COL17A1: variants seen among roughly 807,000 people sequenced by gnomAD.
COL17A1 encodes collagen alpha-1(XVII) chain.
Under a neutral mutation model 218.4 loss-of-function variants are expected in COL17A1, and 181 were observed. The observed-to-expected ratio is 0.83, with a 90% CI of 0.73 to 0.94. COL17A1 has a LOEUF of 0.94. Ranked by LOEUF, COL17A1 falls within the 40% of genes least tolerant of loss-of-function variation. COL17A1 has a pLI of 0.00. For missense variants in COL17A1, 1,924 were observed against 1,945.9 expected, an observed-to-expected ratio of 0.99 and a Z score of 0.21; for synonymous variants, 721 against 731.0, an observed-to-expected ratio of 0.99 and a Z score of 0.22.
chr10:104,041,316 G>A lies in COL17A1; in HGVS notation c.2634C>T (p.Pro878=). ...CTCGGCTCTCACCTGGTGGGCCTCG[G>A]GGTCCTGGTGGGCCTGGAATGGAAG... The part of the protein sequence containing the change: ...PGPSIPGPPG[P]RGPPGEGLPG... The change falls in exon 38 of 56, where the codon CCC becomes CCT. Residue 878 remains proline, a synonymous_variant. Coordinates refer to ENST00000648076, the MANE Select transcript of COL17A1 (RefSeq NM_000494.4). 6.2e-7 allele frequency: 1 copy of A among 1,607,564 alleles called. No individual in the cohort carries two copies. Among genetic ancestry groups the A allele is most frequent in the Non-Finnish European group, 8.5e-7 (1 of 1,177,496 alleles).
Position 104,034,728 on chromosome 10 carries a change from G to GGCT in COL17A1, c.3658_3659insAGC (p.Pro1219_Pro1220insGln), listed in dbSNP as rs779501881. The GGCT allele has an allele frequency of 6.2e-7, 1 of 1,612,378 alleles. No individual in the cohort carries two copies. The highest frequency in any genetic ancestry group is 8.5e-7 in the Non-Finnish European group (1 of 1,179,544). ...GGGCCCTCGAGGCCCTGGGGGACCA[G>GGCT]GAGGTCCTGGAGGGCCTGGGATGAA... On this transcript the variant is annotated inframe_insertion, in exon 51 of 56. Coordinates refer to ENST00000648076, the MANE Select transcript of COL17A1 (RefSeq NM_000494.4).
intron 33 of COL17A1, among the ~76,000 whole-genome samples, chr10:104,045,113 G>A (rs1175450950): frequency 6.6e-6 from 1 of 152,162 alleles, no homozygotes; most frequent in East Asian, 1.9e-4. Context: ...AGCACTGTGG[G>A]TCCCTGAACT....
At position 104,034,153 on chromosome 10, in the gene COL17A1, ACCT is replaced by A. The variant is rs762848431; in HGVS notation, c.3945_3947del (p.Gly1317del). On this transcript the variant is annotated inframe_deletion, in exon 52 of 56. Coordinates refer to ENST00000648076, the MANE Select transcript of COL17A1 (RefSeq NM_000494.4). The stretch of plus-strand genomic sequence containing the variant: ...CGCCTGCACCCAGGGAGCCTGCACC[ACCT>A]CCTCCTGTGCTCATGGAAGAGCTGT... 3.1e-6 allele frequency: 5 copies of A among 1,613,182 alleles called. No individual in the cohort carries two copies. In the Admixed American group the frequency reaches 5.0e-5, roughly 16 times the overall value.
rs754832932 is a variant in COL17A1 at position 104,032,896 on chromosome 10, C to T, written c.4357+10G>A. Reference sequence around the variant, plus strand: ...CAGGATCCAGGGACTGGCTCTCTGCCACCACTTACCTTTGGGTCCTGGAGT... The same window carrying T: ...CAGGATCCAGGGACTGGCTCTCTGCTACCACTTACCTTTGGGTCCTGGAGT... On this transcript the variant is annotated intron_variant, in intron 54 of 55. Transcript: ENST00000648076. 2 of 1,614,150 alleles carry T rather than the reference C, an allele frequency of 1.2e-6. No individual in the cohort carries two copies. Among genetic ancestry groups the T allele is most frequent in the East Asian group, 2.2e-5 (1 of 44,878 alleles).
chr10:104,073,682 T>A (rs2086685931), intron 6 of COL17A1, among the ~76,000 whole-genome samples: 1 of 152,158 alleles, frequency 6.6e-6, no homozygotes, highest in Non-Finnish European at 1.5e-5. Context: ...GATCCTGGCA[T>A]CAATTCATAT....
chr10:104,060,319 G>T, intron 13 of COL17A1, 39 bp from the exon 14 acceptor site: 2 of 1,612,000 alleles, frequency 1.2e-6, no homozygotes, highest in Non-Finnish European at 8.5e-7. Context: ...AAGGACATGT[G>T]CCAGGAGAAG....
rs937236206 is a variant in COL17A1, at chr10:104,050,676, C to T, written c.2093-20G>A. 7 of 1,614,092 alleles carry T rather than the reference C, an allele frequency of 4.3e-6. No homozygotes were observed. Among genetic ancestry groups the T allele is most frequent in the African/African-American group, 1.3e-5 (1 of 75,034 alleles). On this transcript the variant is annotated intron_variant, in intron 26 of 55. Coordinates refer to ENST00000648076, the MANE Select transcript of COL17A1 (RefSeq NM_000494.4). ...TGTCACCTAAAAAGGAAATGGACAC[C>T]TTGGTGTAAAATGCCCTACAAGGGA...
intron 55 of COL17A1, 100 bp from the exon 56 acceptor site, chr10:104,032,390 C>A (rs1844697564): frequency 9.8e-7 from 1 of 1,022,104 alleles, no homozygotes; most frequent in Non-Finnish European, 1.5e-6. Context: ...GCAAAGATGG[C>A]TTCAAAGGTG....
At chr10:104,077,677 G>A (rs2086723414) in intron 3 of COL17A1, 151 bp from the exon 4 acceptor site, 2 of 703,446 alleles carry the variant, frequency 2.8e-6, no homozygotes, top group East Asian at 2.7e-5. Context: ...GATGCAAGCT[G>A]CCATGCTCCA....
chr10:104,063,793 C>T lies in COL17A1; in HGVS notation c.792G>A (p.Ala264=), dbSNP rs766821472. Residue 264 remains alanine (A), a synonymous_variant, in exon 11 of 56, where the codon GCG becomes GCA. Coordinates refer to ENST00000648076, the MANE Select transcript of COL17A1 (RefSeq NM_000494.4). ...GSVFGVPNNM[A]SCSPTLHPGL... ...CAGGGTGCAAAGTGGGTGAGCAGGA[C>T]GCCATGTTGTTTGGAACTCCGAAGA... The T allele has an allele frequency of 1.7e-5, 27 of 1,614,012 alleles. No individual in the cohort carries two copies. Among genetic ancestry groups the T allele is most frequent in the South Asian group, 6.6e-5 (6 of 91,078 alleles).
Position 104,037,115 on chromosome 10 carries a change from T to C in COL17A1, c.3209-2A>G. ...ACAAGCTGACACCGTACCCCGAAGC[T>C]GTCGGGAAGAAAACCTCAGGTTACC... On this transcript the variant is annotated splice_acceptor_variant, in intron 46 of 55. Transcript: ENST00000648076. LOFTEE classifies it high-confidence loss of function. 6.2e-7 allele frequency: 1 copy of C among 1,602,772 alleles called. No homozygotes were observed. The highest frequency in any genetic ancestry group is 1.1e-5 in the South Asian group (1 of 88,520).
chr10:104,078,397 G>T, intron 3 of COL17A1, 145 bp downstream of exon 3: 1 of 1,044,148 alleles, frequency 9.6e-7, no homozygotes, highest in Non-Finnish European at 1.4e-6. Context: ...CTTCAAACTG[G>T]CGAATTCTGT....
At chr10:104,072,383 A>G (rs1589576249) in intron 7 of COL17A1, among the ~76,000 whole-genome samples, 1 of 152,026 alleles carries the variant, frequency 6.6e-6, no homozygotes, top group Non-Finnish European at 1.5e-5. Flanking sequence ...CCCATCATCC[A>G]CCTCATGGCT....
chr10:104,074,460 TCA>T (rs2086693179), intron 5 of COL17A1, among the ~76,000 whole-genome samples: 1 of 152,208 alleles, frequency 6.6e-6, no homozygotes, highest in African/African-American at 2.4e-5. Context: ...AGGACCTACT[TCA>T]GATGAGGCAG....
rs369584535 is a variant in COL17A1, at chr10:104,035,257, C to T, written c.3619+6G>A. 1.2e-6 allele frequency: 2 copies of T among 1,610,184 alleles called. No individual in the cohort carries two copies. Among genetic ancestry groups the T allele is most frequent in the African/African-American group, 2.7e-5 (2 of 74,878 alleles). On this transcript the variant is annotated splice_donor_region_variant and intron_variant, in intron 50 of 55. Coordinates refer to ENST00000648076, the MANE Select transcript of COL17A1 (RefSeq NM_000494.4). ...GCCCTCCCCATCCCACTCCACAGTG[C>T]CCTACTATGTAAGTAAGACGAGAGG...
rs763915311 is a variant in COL17A1 at position 104,041,443 on chromosome 10, C to A, written c.2605+42G>T. The A allele has an allele frequency of 2.5e-6, 4 of 1,606,032 alleles. No homozygotes were observed. The African/African-American group carries it at 4.0e-5, about 16-fold the overall frequency. On this transcript the variant is annotated intron_variant, in intron 37 of 55. Transcript: ENST00000648076. ...TCACTAAGTGCATTGAATCTCCTGTCCCCCAAACTCCCCACCTTCCAAAGG... is the reference window on the plus strand; with the variant it reads ...TCACTAAGTGCATTGAATCTCCTGTACCCCAAACTCCCCACCTTCCAAAGG...
chr10:104,080,710 T>A (rs1322102120), intron 1 of COL17A1, 26 bp from the exon 2 acceptor site: 1 of 1,610,720 alleles, frequency 6.2e-7, no homozygotes, highest in East Asian at 2.2e-5. Context: ...GAAACCATGA[T>A]AGTCATACTT....
intron 19 of COL17A1, 149 bp from the exon 20 acceptor site, chr10:104,055,156 T>C: frequency 6.7e-7 from 1 of 1,487,756 alleles, no homozygotes; most frequent in Non-Finnish European, 9.2e-7. Flanking sequence ...CCAGAGTCTA[T>C]GTCATTTGGG....
Position 104,080,612 on chromosome 10 carries a change from A to G in COL17A1, c.52+10T>C. The G allele has an allele frequency of 5.6e-6, 9 of 1,612,172 alleles. No individual in the cohort carries two copies. The highest frequency in any genetic ancestry group is 3.3e-4 in the Middle Eastern group (2 of 6,052). On this transcript the variant is annotated intron_variant, in intron 2 of 55. Transcript: ENST00000648076. ...AAAACACATAAATTAAAAAATTCTG[A>G]TGCTCTTACTTCTCTCAGTGACTTC...
Sources: allele counts gnomAD v4.1 joint callset (sites outside exome capture counted in the v4.1 genomes callset), GRCh38; gene constraint gnomAD v4.1.1; transcripts MANE v1.5; gene names NCBI Gene and HGNC (gene_info 2026-07-23, HGNC 2026-07-21).